The following C3orf22 variants were observed in gnomAD, a reference collection of about 807,000 sequenced individuals.
C3orf22 encodes the protein chromosome 3 open reading frame 22.
A neutral mutation model predicts 10.8 loss-of-function variants in C3orf22; 7 were observed. The observed-to-expected ratio is 0.65, with a 90% CI of 0.37 to 1.22. The LOEUF (loss-of-function observed/expected upper bound fraction) is 1.22, where lower values mean the gene tolerates loss of function less well. C3orf22 is among the 50% of genes most tolerant of loss of function. The pLI is 0.02. For synonymous variants in C3orf22, 79 were observed against 78.9 expected, an observed-to-expected ratio of 1.00 and a Z score of 0.00; for missense variants, 173 against 177.0, an observed-to-expected ratio of 0.98 and a Z score of 0.13.
chr3:126,545,084 G>A (rs1937043942), downstream of C3orf22, among the ~76,000 whole-genome samples: 1 of 152,240 alleles, frequency 6.6e-6, no homozygotes, highest in East Asian at 1.9e-4. Flanking sequence ...TGGATCACTA[G>A]AGGATACAAG....
chr3:126,529,891 C>G (rs1936615619), intron 4 of C3orf22, among the ~76,000 whole-genome samples: 1 of 152,244 alleles, frequency 6.6e-6, no homozygotes, highest in Non-Finnish European at 1.5e-5. Flanking sequence ...GCTACACTGC[C>G]TGGCTCTCCC....
At chr3:126,536,224 C>T (rs1432328194) in intron 4 of C3orf22, 1 of 1,554,640 alleles carries the variant, frequency 6.4e-7, no homozygotes, top group Admixed American at 1.7e-5. Context: ...CAGGTCCATG[C>T]AAGTCCCTCT....
Position 126,552,049 on chromosome 3 carries a change from G to T in C3orf22, c.163C>A (p.Gln55Lys). Residue 55 changes from glutamine (Q) to lysine (K), a missense_variant, in exon 3 of 4, where the codon CAG (glutamine) becomes AAG (lysine). Coordinates refer to ENST00000318225, the MANE Select transcript of C3orf22 (RefSeq NM_152533.3). ...ACCAACCTCTTCTGCAGGGGCAGCT[G>T]CACCGTGTTCGAGTCGTTTGTGACC... The part of the protein sequence containing the change: ...WEVTNDSNTV[Q>K]LPLQKRLVPT... 1 of 1,613,658 alleles carries T rather than the reference G, an allele frequency of 6.2e-7. No individual in the cohort carries two copies. The highest frequency in any genetic ancestry group is 1.3e-5 in the African/African-American group (1 of 75,020).
rs548593926 is a variant in C3orf22 at position 126,536,806 on chromosome 3, C to T, written c.287-7434G>A. Among the ~76,000 whole-genome samples, 7 of 151,900 alleles carry T rather than the reference C, an allele frequency of 4.6e-5. 1 individual carries two copies. The highest frequency in any genetic ancestry group is 1.7e-4 in the African/African-American group (7 of 41,380). ...CAGCTGGGGGCCTGCAGGGACCACA[C>T]ACAACCCCAAATACACACATACAAC... On this transcript the variant is annotated intron_variant and NMD_transcript_variant, in intron 4 of 5. Coordinates refer to the C3orf22 transcript ENST00000505070.
chr3:126,556,777 ACACT>A (rs965994525), intron 1 of C3orf22, among the ~76,000 whole-genome samples: 3 of 101,332 alleles, frequency 3.0e-5, no homozygotes, highest in Non-Finnish European at 4.8e-5. Flanking sequence ...ACAGACTCAC[ACACT>A]CAGACTCACA....
At chr3:126,530,762 G>A (rs1227197508) in intron 4 of C3orf22, among the ~76,000 whole-genome samples, 1 of 152,212 alleles carries the variant, frequency 6.6e-6, no homozygotes, top group African/African-American at 2.4e-5. Context: ...GGACATGTCC[G>A]GCAGTTCAGA....
At chr3:126,534,342 C>A (rs79807742) in intron 4 of C3orf22, among the ~76,000 whole-genome samples, 1 of 152,194 alleles carries the variant, frequency 6.6e-6, no homozygotes. Context: ...TATAGGTAAA[C>A]GGATTTTTAC....
Position 126,536,167 on chromosome 3 carries a change from A to G in C3orf22, c.287-6795T>C, listed in dbSNP as rs1275312224. On this transcript the variant is annotated intron_variant and NMD_transcript_variant, in intron 4 of 5. Coordinates refer to the C3orf22 transcript ENST00000505070. ...TAGGCAAGATCCGGGAAGGAAATTG[A>G]GTGCCAGAGGTGGGTCAAATGTGCC... is the stretch of plus-strand genomic sequence containing the variant. 3 of 867,842 alleles carry G rather than the reference A, an allele frequency of 3.5e-6. No homozygotes were observed. The East Asian group carries it at 7.5e-5, about 22-fold the overall frequency. The allele number at this position is 867,842 out of a possible 1,614,324, so 53.8% of individuals were successfully genotyped here.
At chr3:126,542,432 C>G in intron 4 of C3orf22, 1 of 1,557,462 alleles carries the variant, frequency 6.4e-7, no homozygotes, top group Non-Finnish European at 8.7e-7. Flanking sequence ...GCCGCCGCGG[C>G]CCCGGGGAGC....
intron 4 of C3orf22, among the ~76,000 whole-genome samples, chr3:126,539,983 C>T (rs1458888044): frequency 2.1e-5 from 2 of 96,522 alleles, no homozygotes; most frequent in African/African-American, 7.5e-5. Context: ...ATGCCACACA[C>T]GCATGACACA....
chr3:126,529,330 G>C (rs954377915), exon 5 of C3orf22: 15 of 1,289,206 alleles, frequency 1.2e-5, no homozygotes, highest in Non-Finnish European at 1.4e-5. Context: ...TCCTTCCCTG[G>C]GCTGGTATTT....
intron 1 of C3orf22, among the ~76,000 whole-genome samples, chr3:126,557,475 A>C (rs1937376896): frequency 6.6e-6 from 1 of 152,196 alleles, no homozygotes; most frequent in African/African-American, 2.4e-5. Flanking sequence ...CAGTGATCCC[A>C]TAATGTGCCA....
exon 5 of C3orf22, chr3:126,529,148 GC>G (rs1936596535): frequency 2.6e-6 from 1 of 388,678 alleles, no homozygotes; most frequent in Non-Finnish European, 4.6e-6. Flanking sequence ...CAGGGCGCGA[GC>G]CCTGCTTTGG....
intron 4 of C3orf22, among the ~76,000 whole-genome samples, chr3:126,531,864 C>T (rs1484418519): frequency 1.3e-5 from 2 of 152,146 alleles, no homozygotes; most frequent in South Asian, 2.1e-4. Context: ...CTAAGCTTAG[C>T]TTTTTAAGAA....
At position 126,557,107 on chromosome 3, in the gene C3orf22, C is replaced by G. The variant is rs532530252; in HGVS notation, c.-41+1520G>C. Among the ~76,000 whole-genome samples, 277 of 152,270 alleles carry G rather than the reference C, an allele frequency of 1.8e-3. 2 individuals carry two copies. The highest frequency in any genetic ancestry group is 7.2e-4 in the Non-Finnish European group (49 of 68,024). On this transcript the variant is annotated intron_variant, in intron 1 of 3. Transcript: ENST00000318225. Reference sequence around the variant, plus strand: ...ACACACACAGATTCACACTCACACACAGACACATACAGACACTCTTACAGA... The same window carrying G: ...ACACACACAGATTCACACTCACACAGAGACACATACAGACACTCTTACAGA...
Position 126,538,223 on chromosome 3 carries a change from G to A in C3orf22, c.287-8851C>T, listed in dbSNP as rs543266329. ...AGCTGCTCGGAGACTGGCAGCCCACGGTTCAGCAGCAGCCAGCTGCCCACC... is the reference window on the plus strand; with the variant it reads ...AGCTGCTCGGAGACTGGCAGCCCACAGTTCAGCAGCAGCCAGCTGCCCACC... On this transcript the variant is annotated intron_variant and NMD_transcript_variant, in intron 4 of 5. Coordinates refer to the C3orf22 transcript ENST00000505070. 4.6e-5 allele frequency among the ~76,000 whole-genome samples: 7 copies of A among 152,346 alleles called. No homozygotes were observed. In the South Asian group the frequency reaches 1.2e-3, roughly 27 times the overall value.
intron 4 of C3orf22, among the ~76,000 whole-genome samples, chr3:126,529,687 C>T (rs1936609929): frequency 6.6e-6 from 1 of 152,166 alleles, no homozygotes; most frequent in Non-Finnish European, 1.5e-5. Context: ...TTCTCCCAGC[C>T]TCGGGCCCTG....
exon 5 of C3orf22, chr3:126,529,357 A>C (rs1425521778): frequency 1.6e-6 from 2 of 1,289,156 alleles, no homozygotes; most frequent in African/African-American, 3.0e-5. Flanking sequence ...GGGTCAGTGA[A>C]ATGGGGCCCA....
At chr3:126,528,837 G>A (rs1936588222) in intron 5 of C3orf22, among the ~76,000 whole-genome samples, 2 of 152,222 alleles carry the variant, frequency 1.3e-5, no homozygotes, top group Admixed American at 6.5e-5. Flanking sequence ...CTTGTCCAAT[G>A]TGTCCTTCCC....
Sources: allele counts gnomAD v4.1 joint callset (sites outside exome capture counted in the v4.1 genomes callset), GRCh38; gene constraint gnomAD v4.1.1; transcripts MANE v1.5; gene names NCBI Gene and HGNC (gene_info 2026-07-23, HGNC 2026-07-21).